Variants in YAP1 observed in about 807,000 individuals in gnomAD.
YAP1 encodes the protein Yes1 associated transcriptional regulator.
A neutral mutation model predicts 56.9 loss-of-function variants in YAP1; 5 were observed. That is an observed-to-expected ratio of 0.09 (90% CI 0.05 to 0.18). The LOEUF is 0.18. YAP1 is among the 10% of genes least tolerant of loss of function. The pLI is 1.00. For missense variants in YAP1, 539 were observed against 651.8 expected (o/e 0.83, Z 1.88); for synonymous variants, 265 against 248.1 (o/e 1.07, Z -0.64).
chr11:102,131,070 C>T lies in YAP1; in HGVS notation c.572+16676C>T, dbSNP rs554063721. On this transcript the variant is annotated intron_variant, in intron 2 of 8. Coordinates refer to ENST00000282441, the MANE Select transcript of YAP1 (RefSeq NM_001130145.3). ...ATCATACTGCAGATAAGAATTTGCA[C>T]AGCTTATCAATAAGCCAGTTCTCTC... 2.6e-5 allele frequency among the ~76,000 whole-genome samples: 4 copies of T among 152,314 alleles called. No individual in the cohort carries two copies. In the South Asian group the frequency reaches 6.2e-4, roughly 24 times the overall value.
At position 102,225,981 on chromosome 11, in the gene YAP1, T is replaced by C. The variant is rs1950173747; in HGVS notation, c.1164-1488T>C. Among the ~76,000 whole-genome samples the C allele has an allele frequency of 3.3e-5, 5 of 152,342 alleles. No individual in the cohort carries two copies. The South Asian group carries it at 1.0e-3, about 32-fold the overall frequency. ...CAGTTCCTCACCAGGAAAATGGCCC[T>C]GTAAACTCTGTCCTCAGGAATGCCC... On this transcript the variant is annotated intron_variant, in intron 7 of 8. Coordinates refer to ENST00000282441, the MANE Select transcript of YAP1 (RefSeq NM_001130145.3).
chr11:102,138,664 C>A (rs1232990093), intron 2 of YAP1, among the ~76,000 whole-genome samples: 1 of 152,188 alleles, frequency 6.6e-6, no homozygotes, highest in Non-Finnish European at 1.5e-5. Flanking sequence ...CTCTCCCTCC[C>A]TGAGTTCAAT....
At chr11:102,157,609 TAAAA>T (rs1181964565) in intron 2 of YAP1, among the ~76,000 whole-genome samples, 1 of 152,188 alleles carries the variant, frequency 6.6e-6, no homozygotes, top group Non-Finnish European at 1.5e-5. Context: ...TTTTTCTTAA[TAAAA>T]AAAGATTGTT....
intron 2 of YAP1, among the ~76,000 whole-genome samples, chr11:102,146,665 CTAATA>C (rs1339386232): frequency 1.3e-5 from 2 of 152,280 alleles, no homozygotes; most frequent in African/African-American, 4.8e-5. Flanking sequence ...TTCCTCAACT[CTAATA>C]TGTCTATTTT....
chr11:102,210,695 C>T (rs1050238799), intron 6 of YAP1, among the ~76,000 whole-genome samples: 1 of 152,062 alleles, frequency 6.6e-6, no homozygotes, highest in African/African-American at 2.4e-5. Flanking sequence ...AACGTGAAGC[C>T]ATTTTTTTCT....
intron 2 of YAP1, among the ~76,000 whole-genome samples, chr11:102,135,292 C>T (rs778920291): frequency 2.0e-5 from 3 of 152,170 alleles, no homozygotes; most frequent in South Asian, 2.1e-4. Flanking sequence ...CTAAAACTTA[C>T]GGCTTAAAAC....
chr11:102,113,369 A>C (rs1943083477), intron 1 of YAP1, among the ~76,000 whole-genome samples: 1 of 152,238 alleles, frequency 6.6e-6, no homozygotes, highest in African/African-American at 2.4e-5. Context: ...ATGGAAGTTA[A>C]GATACTTGTT....
chr11:102,136,407 C>T (rs927130987), intron 2 of YAP1, among the ~76,000 whole-genome samples: 3 of 150,912 alleles, frequency 2.0e-5, no homozygotes, highest in Admixed American at 6.6e-5. Flanking sequence ...GTGGCACAAT[C>T]TCGGCTCACT....
chr11:102,130,535 T>G (rs1944314453), intron 2 of YAP1, among the ~76,000 whole-genome samples: 2 of 151,986 alleles, frequency 1.3e-5, no homozygotes, highest in African/African-American at 4.8e-5. Context: ...CCTGAATAGC[T>G]GGGACTACAA....
chr11:102,140,570 C>T (rs979065999), intron 2 of YAP1, among the ~76,000 whole-genome samples: 6 of 152,134 alleles, frequency 3.9e-5, no homozygotes, highest in African/African-American at 1.2e-4. Flanking sequence ...TTAGGCCTGG[C>T]GTGGTGGCTC....
chr11:102,186,981 A>G (rs1947997725), intron 4 of YAP1, among the ~76,000 whole-genome samples: 2 of 152,180 alleles, frequency 1.3e-5, no homozygotes, highest in South Asian at 4.1e-4. Context: ...AATGAAAACA[A>G]TGTGCAGATC....
intron 6 of YAP1, among the ~76,000 whole-genome samples, chr11:102,211,353 A>G (rs1465407042): frequency 6.6e-6 from 1 of 151,908 alleles, no homozygotes; most frequent in African/African-American, 2.4e-5. Context: ...GAGGCTTATT[A>G]GTAGTAAAGC....
At position 102,210,674 on chromosome 11, in the gene YAP1, T is replaced by C. The variant is rs543414581; in HGVS notation, c.1032+1110T>C. ...TTGACTGTGAAGTGCAGGATAGCAT[T>C]GGGTCTTTATAACGTGAAGCCATTT... On this transcript the variant is annotated intron_variant, in intron 6 of 8. Coordinates refer to ENST00000282441, the MANE Select transcript of YAP1 (RefSeq NM_001130145.3). Among the ~76,000 whole-genome samples the C allele has an allele frequency of 5.3e-5, 8 of 152,300 alleles. No homozygotes were observed. In the South Asian group the frequency reaches 1.7e-3, roughly 32 times the overall value.
chr11:102,163,347 A>G (rs1184440223), intron 3 of YAP1, among the ~76,000 whole-genome samples: 1 of 152,184 alleles, frequency 6.6e-6, no homozygotes, highest in African/African-American at 2.4e-5. Context: ...TAGCCCCTTC[A>G]TCTTCCTTAT....
chr11:102,137,187 CTT>C (rs1944722411), intron 2 of YAP1, among the ~76,000 whole-genome samples: 1 of 152,208 alleles, frequency 6.6e-6, no homozygotes, highest in South Asian at 2.1e-4. Context: ...AGTTCTGCTT[CTT>C]ACTGCCTTAG....
intron 4 of YAP1, among the ~76,000 whole-genome samples, chr11:102,194,642 A>G (rs1224640088): frequency 6.6e-6 from 1 of 152,182 alleles, no homozygotes; most frequent in Non-Finnish European, 1.5e-5. Flanking sequence ...GGTGAAAGGA[A>G]CTAGGGTGGT....
intron 3 of YAP1, among the ~76,000 whole-genome samples, chr11:102,173,992 G>A (rs1332928613): frequency 6.6e-6 from 1 of 152,130 alleles, no homozygotes; most frequent in Non-Finnish European, 1.5e-5. Flanking sequence ...GAATTACCTC[G>A]GGATTTGTTC....
intron 2 of YAP1, among the ~76,000 whole-genome samples, chr11:102,132,077 C>T (rs1041881966): frequency 8.5e-5 from 13 of 152,050 alleles, no homozygotes; most frequent in African/African-American, 3.1e-4. Context: ...GAGATCTCAC[C>T]ACTGCATCCC....
intron 4 of YAP1, among the ~76,000 whole-genome samples, chr11:102,195,678 A>T (rs1436555188): frequency 6.6e-6 from 1 of 152,154 alleles, no homozygotes; most frequent in Non-Finnish European, 1.5e-5. Context: ...TCCTGCTGCC[A>T]TGTGAAGGAG....
Sources: gnomAD v4.1 joint callset for allele counts (sites outside exome capture counted in the v4.1 genomes callset) on GRCh38, gnomAD v4.1.1 for gene constraint, MANE v1.5 for transcripts, NCBI Gene and HGNC (gene_info 2026-07-23, HGNC 2026-07-21) for gene names.